Variants in EPHA10 observed in about 807,000 individuals in gnomAD.
EPHA10 encodes ephrin type-A receptor 10.
A neutral mutation model predicts 109.7 loss-of-function variants in EPHA10; 120 were observed. The observed-to-expected ratio is 1.09, with a 90% confidence interval of 0.94 to 1.27. The LOEUF is 1.27. Among genes scored for constraint, EPHA10 ranks in the 50% most tolerant of loss-of-function variants. The probability of loss-of-function intolerance (pLI) is 0.00; values close to 1 mark genes in which losing one functional copy is unlikely to be tolerated. For missense variants in EPHA10, 1,396 were observed against 1,411.1 expected, an observed-to-expected ratio of 0.99 and a Z score of 0.17; for synonymous variants, 640 against 618.9, an observed-to-expected ratio of 1.03 and a Z score of -0.51.
At chr1:37,731,696 G>T in intron 6 of EPHA10, 114 bp from the exon 7 acceptor site, 1 of 1,226,028 alleles carries the variant, frequency 8.2e-7, no homozygotes, top group Non-Finnish European at 1.1e-6. Context: ...AATGTGGGCT[G>T]AGTGCGAAAA....
Position 37,762,102 on chromosome 1 carries a change from G to A in EPHA10, c.172-19C>T, listed in dbSNP as rs1185098860. 1.3e-6 allele frequency: 2 copies of A among 1,555,628 alleles called. No individual in the cohort carries two copies. Among genetic ancestry groups the A allele is most frequent in the Admixed American group, 1.9e-5 (1 of 53,468 alleles). ...CCTCCCACTGGGGACAAGAGTAAAG[G>A]GGTGGGCAGCCCAGAGCCAAAGTGC... On this transcript the variant is annotated intron_variant, in intron 2 of 16. Transcript: ENST00000373048.
At position 37,728,518 on chromosome 1, in the gene EPHA10, G is replaced by A. The variant is rs549693427; in HGVS notation, c.1664-1308C>T. 2.4e-4 allele frequency among the ~76,000 whole-genome samples: 36 copies of A among 152,298 alleles called. No homozygotes were observed. In the South Asian group the frequency reaches 6.4e-3, roughly 27 times the overall value. ...AAGTACACCTCTTTAGGCAGCTTCC[G>A]CGTGGGACACAGGGAGGAGAAAGGT... On this transcript the variant is annotated intron_variant, in intron 7 of 16. Coordinates refer to ENST00000373048, the MANE Select transcript of EPHA10 (RefSeq NM_001099439.2).
In EPHA10 at chr1:37,718,023, T is replaced by C. The variant is rs1013708582; in HGVS notation, c.*349A>G. The C allele has an allele frequency of 6.1e-6, 2 of 330,236 alleles. No individual in the cohort carries two copies. The highest frequency in any genetic ancestry group is 9.0e-5 in the Admixed American group (2 of 22,220). The allele number at this position is 330,236 out of a possible 1,614,324, so 20.5% of individuals were successfully genotyped here. On this transcript the variant is annotated 3_prime_UTR_variant, in exon 17 of 17. Transcript: ENST00000373048. ...GGCCCCAGCCCCCAGTGGGTACAAATGGCAGTAGGGCATGAGCCAGGGCAA... is the reference window on the plus strand; with the variant it reads ...GGCCCCAGCCCCCAGTGGGTACAAACGGCAGTAGGGCATGAGCCAGGGCAA...
intron 5 of EPHA10, among the ~76,000 whole-genome samples, chr1:37,749,608 G>A (rs1235706550): frequency 1.3e-5 from 2 of 151,968 alleles, no homozygotes; most frequent in East Asian, 3.9e-4. Flanking sequence ...AGGAGGCGGA[G>A]GTTGCAGTGA....
In EPHA10 at chr1:37,734,632, T is replaced by C. The variant is rs1222613908; in HGVS notation, c.1491+625A>G. On this transcript the variant is annotated intron_variant, in intron 6 of 16. Transcript: ENST00000373048. The stretch of plus-strand genomic sequence containing the variant: ...TCCATTTGTTACATCACAGCTAAGC[T>C]GCAACCACAGATTGACAATGGATAC... 3 of 456,028 alleles carry C rather than the reference T, an allele frequency of 6.6e-6. No individual in the cohort carries two copies. The Admixed American group carries it at 7.1e-5, about 11-fold the overall frequency. 28.2% of individuals were successfully genotyped at this position (456,028 alleles called of 1,614,324 possible).
In EPHA10 at chr1:37,754,243, G is replaced by C; in HGVS notation, c.978C>G (p.Pro326=). The change falls in exon 4 of 17, where the codon CCC becomes CCG. Residue 326 remains proline, a synonymous_variant. Coordinates refer to ENST00000373048, the MANE Select transcript of EPHA10 (RefSeq NM_001099439.2). This position sits in a 1 kb window ranked among gnomAD's most constrained non-coding sequence, Gnocchi z 4.5. ...CVCQDSYARS[P]TDPPSASCTR... ...TGCAGGAAGCCGAGGGCGGGTCGGT[G>C]GGTGAGCGCGCATAGCTGTCCTGGC... 1 of 1,317,368 alleles carries C rather than the reference G, an allele frequency of 7.6e-7. No homozygotes were observed. Among genetic ancestry groups the C allele is most frequent in the Non-Finnish European group, 9.7e-7 (1 of 1,027,316 alleles). The allele number at this position is 1,317,368 out of a possible 1,614,324, so 81.6% of individuals were successfully genotyped here.
Position 37,719,445 on chromosome 1 carries a change from G to T in EPHA10, c.2725C>A (p.Pro909Thr), listed in dbSNP as rs776825559. 6.2e-7 allele frequency: 1 copy of T among 1,613,672 alleles called. No individual in the cohort carries two copies. The change falls in exon 15 of 17, where the codon CCC (proline) becomes ACC (threonine). Residue 909 changes from proline (P) to threonine (T), a missense_variant. Coordinates refer to ENST00000373048, the MANE Select transcript of EPHA10 (RefSeq NM_001099439.2). ...ILSKMVQDPE[P>T]PKCALTTCPR... is the part of the protein sequence containing the mutation. ...CAGGTAGTCAGGGCACACTTGGGGG[G>T]CTCTGGGTCCTGCACCATCTTGCTC...
chr1:37,750,016 T>C (rs746272022), intron 5 of EPHA10, among the ~76,000 whole-genome samples: 1 of 152,210 alleles, frequency 6.6e-6, no homozygotes, highest in Non-Finnish European at 1.5e-5. Context: ...TGTCTTTATA[T>C]GGTGCATGAC....
chr1:37,730,639 G>T (rs1229900998), intron 7 of EPHA10, among the ~76,000 whole-genome samples: 2 of 152,130 alleles, frequency 1.3e-5, no homozygotes, highest in African/African-American at 4.8e-5. Context: ...TTTGGTAACA[G>T]CTTTATTGAG....
chr1:37,753,016 C>T lies in EPHA10; in HGVS notation c.1217G>A (p.Arg406Gln). The T allele has an allele frequency of 2.4e-6, 3 of 1,229,958 alleles. No homozygotes were observed. The South Asian group carries it at 9.1e-5, about 37-fold the overall frequency. The allele number at this position is 1,229,958 out of a possible 1,614,324, so 76.2% of individuals were successfully genotyped here. A position where few individuals can be genotyped will look rare whatever the true frequency, so the allele number is the denominator to read the frequency against. ...GTGCAGCAGCGTGGCGGCTCGCTCCCGCAGCCCTGCCTGGCGCGGTAGGAA... is the reference window on the plus strand; with the variant it reads ...GTGCAGCAGCGTGGCGGCTCGCTCCTGCAGCCCTGCCTGGCGCGGTAGGAA... ...VAFLPRQAGL[R>Q]ERAATLLHLR... Residue 406 changes from arginine to glutamine, a missense_variant, in exon 5 of 17, where the codon CGG becomes CAG. By Grantham distance (43) the Arg-to-Gln change is conservative (BLOSUM62 1). Coordinates refer to ENST00000373048, the MANE Select transcript of EPHA10 (RefSeq NM_001099439.2).
chr1:37,755,332 A>ACG (rs1646384885), intron 3 of EPHA10, among the ~76,000 whole-genome samples: 1 of 143,678 alleles, frequency 7.0e-6, no homozygotes, highest in Non-Finnish European at 1.5e-5. Context: ...ATACATGCAC[A>ACG]CACACACACA....
At chr1:37,758,869 G>A (rs1169189160) in intron 3 of EPHA10, among the ~76,000 whole-genome samples, 2 of 152,152 alleles carry the variant, frequency 1.3e-5, no homozygotes, top group Non-Finnish European at 2.9e-5. Context: ...TCCAGGTCCT[G>A]TGTTCTGTAC....
At chr1:37,731,707 C>T (rs1645986822) in intron 6 of EPHA10, 125 bp from the exon 7 acceptor site, 2 of 1,041,104 alleles carry the variant, frequency 1.9e-6, no homozygotes, top group Non-Finnish European at 2.7e-6. Context: ...AGTGCGAAAA[C>T]CCAACCTCAA....
Position 37,717,654 on chromosome 1 carries a change from G to A in EPHA10, c.*718C>T, listed in dbSNP as rs143221316. On this transcript the variant is annotated 3_prime_UTR_variant, in exon 17 of 17. Coordinates refer to ENST00000373048, the MANE Select transcript of EPHA10 (RefSeq NM_001099439.2). Reference sequence around the variant, plus strand: ...CACACGAGGGCCTCATGGGGCCCCAGGGAGCACCAGGGCCTCTCATGGCCC... The same window carrying A: ...CACACGAGGGCCTCATGGGGCCCCAAGGAGCACCAGGGCCTCTCATGGCCC... 8.6e-6 allele frequency: 2 copies of A among 231,618 alleles called. No homozygotes were observed. Among genetic ancestry groups the A allele is most frequent in the Non-Finnish European group, 1.7e-5 (2 of 117,030 alleles). 14.3% of individuals were successfully genotyped at this position (231,618 alleles called of 1,614,324 possible).
intron 3 of EPHA10, chr1:37,760,145 T>A (rs2148370017): frequency 2.8e-6 from 1 of 361,150 alleles, no homozygotes; most frequent in East Asian, 8.9e-5. Flanking sequence ...ATCCCTCTGT[T>A]ATAGCATATA....
At chr1:37,714,338 T>C (rs1645662302), downstream of EPHA10, among the ~76,000 whole-genome samples, 1 of 152,232 alleles carries the variant, frequency 6.6e-6, no homozygotes, top group Non-Finnish European at 1.5e-5. Flanking sequence ...AGTGTGTGTG[T>C]GCACGTGTGT....
At chr1:37,744,760 T>C (rs528312606) in intron 5 of EPHA10, among the ~76,000 whole-genome samples, 126 of 134,734 alleles carry the variant, frequency 9.4e-4, no homozygotes, top group Non-Finnish European at 1.7e-3. Flanking sequence ...TCACAAATCA[T>C]GTATCTGACA....
intron 5 of EPHA10, among the ~76,000 whole-genome samples, chr1:37,736,952 A>G (rs916631445): frequency 6.6e-6 from 1 of 152,220 alleles, no homozygotes; most frequent in Non-Finnish European, 1.5e-5. Flanking sequence ...ATGAAATAAA[A>G]CACAAATAAT....
At chr1:37,728,406 G>C (rs1229329164) in intron 7 of EPHA10, among the ~76,000 whole-genome samples, 1 of 152,180 alleles carries the variant, frequency 6.6e-6, no homozygotes, top group East Asian at 1.9e-4. Flanking sequence ...GGATGGAGAA[G>C]AGGTGCTTGA....
Sources: allele counts gnomAD v4.1 joint callset (sites outside exome capture counted in the v4.1 genomes callset), GRCh38; gene constraint gnomAD v4.1.1; non-coding constraint Gnocchi (gnomAD v3.1); transcripts MANE v1.5; gene names NCBI Gene and HGNC (gene_info 2026-07-23, HGNC 2026-07-21).